Variants in PCDH15 observed in about 807,000 individuals in gnomAD.
PCDH15 encodes protocadherin related 15.
A neutral mutation model predicts 178.5 loss-of-function variants in PCDH15; 129 were observed. The observed-to-expected ratio is 0.72, with a 90% confidence interval of 0.63 to 0.84. The LOEUF (loss-of-function observed/expected upper bound fraction) is 0.84. Ranked by LOEUF, PCDH15 falls within the 40% of genes least tolerant of loss-of-function variation. The pLI is 0.00. For missense variants in PCDH15, 2,230 were observed against 2,099.9 expected, an observed-to-expected ratio of 1.06 and a Z score of -1.21; for synonymous variants, 800 against 732.0, an observed-to-expected ratio of 1.09 and a Z score of -1.50.
intron 1 of PCDH15, among the ~76,000 whole-genome samples, chr10:54,756,189 G>A (rs950724885): frequency 1.3e-5 from 2 of 151,988 alleles, no homozygotes; most frequent in Admixed American, 6.6e-5. Flanking sequence ...GGCAGAGTTT[G>A]CAGTGAGCCG....
intron 33 of PCDH15, among the ~76,000 whole-genome samples, chr10:53,819,743 G>C (rs968855779): frequency 2.0e-5 from 3 of 152,036 alleles, no homozygotes; most frequent in East Asian, 3.9e-4. Context: ...GTTAGGGTTT[G>C]AGAGGAGGAA....
intron 1 of PCDH15, among the ~76,000 whole-genome samples, chr10:54,673,565 AG>A (rs2094719640): frequency 6.6e-6 from 1 of 151,934 alleles, no homozygotes; most frequent in Non-Finnish European, 1.5e-5. Flanking sequence ...CAGCCTCCCG[AG>A]TAGCTGGGAT....
At chr10:55,479,377 T>C (rs1840129206) in intron 2 of PCDH15, among the ~76,000 whole-genome samples, 1 of 151,130 alleles carries the variant, frequency 6.6e-6, no homozygotes, top group Admixed American at 6.6e-5. Flanking sequence ...ATCAACAGAG[T>C]GAAGGACAAA....
chr10:54,821,126 C>T (rs935625167), intron 3 of PCDH15, among the ~76,000 whole-genome samples: 1 of 152,032 alleles, frequency 6.6e-6, no homozygotes, highest in African/African-American at 2.4e-5. Flanking sequence ...CTAGCCCATG[C>T]TTTCCAGTTG....
In PCDH15 at chr10:54,916,511, C is replaced by A. The variant is rs563851397; in HGVS notation, c.-79-19011G>T. Among the ~76,000 whole-genome samples the A allele has an allele frequency of 1.9e-4, 29 of 152,138 alleles. No homozygotes were observed. The Middle Eastern group carries it at 0.01, about 54-fold the overall frequency. ...CTATTGTTTGCTCTAAGTATAAAAC[C>A]AGCTTAATGGGGTGATTTGTTTAAA... On this transcript the variant is annotated intron_variant, in intron 2 of 5. Coordinates refer to the PCDH15 transcript ENST00000458638.
At chr10:54,327,086 T>C (rs1938289879) in intron 7 of PCDH15, among the ~76,000 whole-genome samples, 1 of 152,042 alleles carries the variant, frequency 6.6e-6, no homozygotes, top group African/African-American at 2.4e-5. Flanking sequence ...TCATGTTGGA[T>C]AGAAGTTGTT....
intron 1 of PCDH15, among the ~76,000 whole-genome samples, chr10:54,706,054 T>C (rs2095362177): frequency 6.6e-6 from 1 of 152,182 alleles, no homozygotes; most frequent in South Asian, 2.1e-4. Flanking sequence ...AATGCTCAGA[T>C]GTATAAAGCT....
intron 2 of PCDH15, among the ~76,000 whole-genome samples, chr10:55,368,325 C>A (rs1196077107): frequency 3.3e-5 from 5 of 152,000 alleles, no homozygotes; most frequent in African/African-American, 1.2e-4. Flanking sequence ...GGCATGTGAG[C>A]ATAAATGCAT....
At chr10:55,297,970 A>C in intron 1 of PCDH15, among the ~76,000 whole-genome samples, 1 of 152,196 alleles carries the variant, frequency 6.6e-6, no homozygotes, top group Non-Finnish European at 1.5e-5. Flanking sequence ...CACAATACTA[A>C]CATTTGGGAG....
chr10:54,085,918 G>T (rs920061484), intron 16 of PCDH15, among the ~76,000 whole-genome samples: 5 of 151,976 alleles, frequency 3.3e-5, no homozygotes, highest in African/African-American at 1.2e-4. Flanking sequence ...AAATAATATG[G>T]TATTTAAAGT....
At chr10:54,146,948 G>GTGTATATATATATAA (rs1410484157) in intron 14 of PCDH15, among the ~76,000 whole-genome samples, 1 of 135,926 alleles carries the variant, frequency 7.4e-6, no homozygotes, top group Non-Finnish European at 1.5e-5. Flanking sequence ...TATATATATA[G>GTGTATATATATATAA]TGTATATATA....
chr10:53,851,557 G>T (rs1367362501), intron 28 of PCDH15, among the ~76,000 whole-genome samples: 1 of 150,612 alleles, frequency 6.6e-6, no homozygotes, highest in African/African-American at 2.4e-5. Flanking sequence ...ACAAAAAGGA[G>T]CTCAAACTTT....
At chr10:53,845,232 G>T (rs943236370) in intron 28 of PCDH15, among the ~76,000 whole-genome samples, 1 of 151,694 alleles carries the variant, frequency 6.6e-6, no homozygotes, top group Non-Finnish European at 1.5e-5. Context: ...AATAACAAAT[G>T]CTGTAAGGAT....
At chr10:55,615,308 A>T (rs1843451512) in intron 2 of PCDH15, among the ~76,000 whole-genome samples, 1 of 152,210 alleles carries the variant, frequency 6.6e-6, no homozygotes. Context: ...AAACTGTGAA[A>T]AACAGTAGTA....
At chr10:54,355,807 A>G (rs929539095) in intron 5 of PCDH15, among the ~76,000 whole-genome samples, 37 of 152,062 alleles carry the variant, frequency 2.4e-4, no homozygotes, top group Admixed American at 2.0e-3. Context: ...CAAATTCACC[A>G]TGATTTCAGT....
At chr10:54,940,647 T>C (rs1210711227) in intron 2 of PCDH15, among the ~76,000 whole-genome samples, 3 of 152,164 alleles carry the variant, frequency 2.0e-5, no homozygotes, top group East Asian at 3.9e-4. Flanking sequence ...CCTGCAGATA[T>C]GGTTGCATTC....
At chr10:54,187,951 TTA>T (rs1409289004) in intron 11 of PCDH15, among the ~76,000 whole-genome samples, 1 of 151,838 alleles carries the variant, frequency 6.6e-6, no homozygotes, top group Non-Finnish European at 1.5e-5. Context: ...GTGTATATAT[TTA>T]TGTTCCAAAT....
chr10:53,951,507 C>T (rs2087041786), intron 23 of PCDH15, among the ~76,000 whole-genome samples: 2 of 152,304 alleles, frequency 1.3e-5, no homozygotes, highest in South Asian at 2.1e-4. Context: ...TTCTAAGACA[C>T]TAATATCATT....
chr10:55,002,940 G>T (rs1471177674), intron 2 of PCDH15, among the ~76,000 whole-genome samples: 2 of 152,178 alleles, frequency 1.3e-5, no homozygotes, highest in Non-Finnish European at 2.9e-5. Flanking sequence ...AAAGGTTTAT[G>T]AAATTCTTAC....
Sources: allele counts gnomAD v4.1 joint callset (sites outside exome capture counted in the v4.1 genomes callset), GRCh38; gene constraint gnomAD v4.1.1; transcripts MANE v1.5; gene names NCBI Gene and HGNC (gene_info 2026-07-23, HGNC 2026-07-21).